The following ZNF235 variants were observed in gnomAD, a reference collection of about 807,000 sequenced individuals.
The protein encoded by ZNF235 is zfp-93.
In ZNF235, 25 loss-of-function variants were observed where a neutral mutation model predicts 29.4. The observed-to-expected ratio is 0.85, with a 90% CI of 0.62 to 1.19. The LOEUF is 1.19. Among genes scored for constraint, ZNF235 ranks in the 50% most tolerant of loss-of-function variants. The probability of loss-of-function intolerance (pLI) is 0.00; values close to 1 mark genes in which losing one functional copy is unlikely to be tolerated. For synonymous variants in ZNF235, 300 were observed against 295.3 expected, an observed-to-expected ratio of 1.02 and a Z score of -0.16; for missense variants, 788 against 885.0, an observed-to-expected ratio of 0.89 and a Z score of 1.39.
intron 2 of ZNF235, among the ~76,000 whole-genome samples, chr19:44,303,157 CGT>C (rs1462766743): frequency 7.2e-6 from 1 of 138,122 alleles, no homozygotes; most frequent in African/African-American, 2.8e-5. Flanking sequence ...AAAATATATA[CGT>C]ATATATAAAT....
chr19:44,304,678 CAAG>C, intron 1 of ZNF235: 1 of 973,850 alleles, frequency 1.0e-6, no homozygotes, highest in African/African-American at 1.8e-5. Flanking sequence ...GAAACTGAGA[CAAG>C]GAGAGATTAA....
In ZNF235 at chr19:44,302,998, ACATATATACG is replaced by A. The variant is rs1975770519; in HGVS notation, c.15+382_15+391del. On this transcript the variant is annotated intron_variant, in intron 2 of 4. Coordinates refer to ENST00000291182, the MANE Select transcript of ZNF235 (RefSeq NM_004234.4). ...TGTATATATTTATATATAAATATAT[ACATATATACG>A]TATATATTTATATAAAATATACGTA... Among the ~76,000 whole-genome samples the A allele has an allele frequency of 2.3e-5, 3 of 128,280 alleles. No homozygotes were observed. In the East Asian group the frequency reaches 6.1e-4, roughly 26 times the overall value. The allele number at this position is 128,280 out of a possible 152,430, so 84.2% of individuals were successfully genotyped here.
At position 44,288,808 on chromosome 19, in the gene ZNF235, T is replaced by TATAC; in HGVS notation, c.623_626dup (p.Ile209MetfsTer8). The TATAC allele has an allele frequency of 6.2e-7, 1 of 1,613,486 alleles. No homozygotes were observed. ...TGAAAATGTCAACATATGGAGCAAA[T>TATAC]ATACATAGTTTGTTTTTCATCTGAG... is the stretch of plus-strand genomic sequence containing the variant. On this transcript the variant is annotated frameshift_variant, in exon 5 of 5. Coordinates refer to ENST00000291182, the MANE Select transcript of ZNF235 (RefSeq NM_004234.4). LOFTEE classifies it low-confidence loss of function (END_TRUNC).
chr19:44,304,734 G>A (rs1334244397), intron 1 of ZNF235: 17 of 985,512 alleles, frequency 1.7e-5, no homozygotes, highest in Non-Finnish European at 2.0e-5. Flanking sequence ...GGCAGGACTG[G>A]CTGGTAGGTG....
At position 44,298,816 on chromosome 19, in the gene ZNF235, T is replaced by A. The variant is rs375247544; in HGVS notation, c.230A>T (p.Lys77Met). The change falls in exon 4 of 5, where the codon AAG becomes ATG. Residue 77 changes from lysine to methionine, a missense_variant. By Grantham distance (95) the Lys-to-Met change is moderately conservative (BLOSUM62 -1). Transcript: ENST00000291182. ...GGCTGCACAGTACTCACCTGAATGC[T>A]TACCTCTTTGGGTTTGAAGCTCCTT... Reference protein sequence around the residue: ...WMKELQTQRGKHSGDRNQNEM... With the variant: ...WMKELQTQRGMHSGDRNQNEM... 2.1e-5 allele frequency: 34 copies of A among 1,612,800 alleles called. 1 individual carries two copies. In the African/African-American group the frequency reaches 3.1e-4, roughly 15 times the overall value.
At chr19:44,291,800 A>T (rs1223065080) in intron 4 of ZNF235, among the ~76,000 whole-genome samples, 1 of 152,136 alleles carries the variant, frequency 6.6e-6, no homozygotes, top group Non-Finnish European at 1.5e-5. Flanking sequence ...ATAGGGCTTC[A>T]TCCATGAATT....
Position 44,288,592 on chromosome 19 carries a change from A to G in ZNF235, c.843T>C (p.His281=), listed in dbSNP as rs1158420678. The G allele has an allele frequency of 3.1e-6, 5 of 1,614,120 alleles. No homozygotes were observed. The highest frequency in any genetic ancestry group is 4.2e-6 in the Non-Finnish European group (5 of 1,180,004). Residue 281 remains histidine, a synonymous_variant, in exon 5 of 5, where the codon CAT becomes CAC. Coordinates refer to ENST00000291182, the MANE Select transcript of ZNF235 (RefSeq NM_004234.4). ...ACTTCTTTCCCAAGTGTACCTGTTT[A>G]TGAAGTTCAAGACTGGAGCTATCAT... is the stretch of plus-strand genomic sequence containing the variant. ...AFNDSSSLEL[H]KQVHLGKKSP...
intron 2 of ZNF235, among the ~76,000 whole-genome samples, chr19:44,301,129 T>C (rs908418897): frequency 6.6e-6 from 1 of 152,198 alleles, no homozygotes; most frequent in Non-Finnish European, 1.5e-5. Flanking sequence ...GGATTTTTCA[T>C]GTATCAGTAA....
Position 44,288,831 on chromosome 19 carries a change from G to C in ZNF235, c.604C>G (p.Gln202Glu). ...AATATACATAGTTTGTTTTTCATCT[G>C]AGTCTGCTTACAACTTCTCTGATAA... ...QNYQRSCKQTQMKNKLCIFAP... is the reference protein window; with the variant it reads ...QNYQRSCKQTEMKNKLCIFAP... The change falls in exon 5 of 5, where the codon CAG becomes GAG. Residue 202 changes from glutamine to glutamate, a missense_variant. By Grantham distance (29) the Gln-to-Glu change is conservative. Transcript: ENST00000291182. The C allele has an allele frequency of 6.2e-7, 1 of 1,612,812 alleles. No homozygotes were observed.
In ZNF235 at chr19:44,287,792, C is replaced by G. The variant is rs551265483; in HGVS notation, c.1643G>C (p.Cys548Ser). ...TGEKPYKCEV[C>S]GKRFNWSLNL... ...CAAGCTCCAATTGAAGCGCTTCCCA[C>G]ACACTTCACATTTGTATGGTTTTTC... The change falls in exon 5 of 5, where the codon TGT becomes TCT. Residue 548 changes from cysteine (C) to serine (S), a missense_variant. Coordinates refer to ENST00000291182, the MANE Select transcript of ZNF235 (RefSeq NM_004234.4). 3.1e-6 allele frequency: 5 copies of G among 1,614,142 alleles called. No individual in the cohort carries two copies. The South Asian group carries it at 5.5e-5, about 18-fold the overall frequency.
intron 1 of ZNF235, 23 bp downstream of exon 1, chr19:44,304,948 T>C (rs1186484965): frequency 1.0e-6 from 1 of 985,304 alleles, no homozygotes; most frequent in Non-Finnish European, 1.2e-6. Context: ...CGGAGAAGTC[T>C]TGGAGACCCG....
At chr19:44,293,290 A>G (rs1184384537) in intron 4 of ZNF235, among the ~76,000 whole-genome samples, 1 of 152,146 alleles carries the variant, frequency 6.6e-6, no homozygotes, top group Non-Finnish European at 1.5e-5. Context: ...AGCTATTTTT[A>G]TATCAGATAA....
intron 1 of ZNF235, among the ~76,000 whole-genome samples, 195 bp from the exon 2 acceptor site, chr19:44,303,647 T>C (rs1975787807): frequency 6.6e-6 from 1 of 152,174 alleles, no homozygotes; most frequent in African/African-American, 2.4e-5. Context: ...CATGAACATT[T>C]CATATTAACA....
At chr19:44,289,225 A>C in intron 4 of ZNF235, 29 bp from the exon 5 acceptor site, 3 of 1,562,962 alleles carry the variant, frequency 1.9e-6, no homozygotes, top group Non-Finnish European at 2.6e-6. Context: ...TAAGGAATAA[A>C]GGACCAAGAG....
At chr19:44,296,177 A>G (rs1011431009) in intron 4 of ZNF235, among the ~76,000 whole-genome samples, 44 of 152,212 alleles carry the variant, frequency 2.9e-4, no homozygotes, top group African/African-American at 9.9e-4. Flanking sequence ...TTGTAGATAG[A>G]CACTGATAAA....
Position 44,287,098 on chromosome 19 carries a change from C to T in ZNF235, c.*120G>A. The T allele has an allele frequency of 9.6e-7, 1 of 1,042,202 alleles. No homozygotes were observed. The allele number at this position is 1,042,202 out of a possible 1,614,324, so 64.6% of individuals were successfully genotyped here. A position where few individuals can be genotyped will look rare whatever the true frequency, so the allele number is the denominator to read the frequency against. On this transcript the variant is annotated 3_prime_UTR_variant, in exon 5 of 5. Transcript: ENST00000291182. ...AACACAGCATTTGAGAGACTTCTTT[C>T]CTGTCAAGATTCTTTGAAGCTTCTA... is the stretch of plus-strand genomic sequence containing the variant.
intron 2 of ZNF235, among the ~76,000 whole-genome samples, chr19:44,302,053 TAAAG>T (rs1450500529): frequency 6.6e-6 from 1 of 152,176 alleles, no homozygotes; most frequent in Non-Finnish European, 1.5e-5. Context: ...TACTTAGAAT[TAAAG>T]AAAGAAATCT....
rs1220730980 is a variant in ZNF235 at position 44,288,167 on chromosome 19, C to CT, written c.1267dup (p.Arg423LysfsTer10). Reference sequence around the variant, plus strand: ...ATATGGTTTCTCTCCAGTGTGAATTCTTTCATGGGCCTGAAGATGTGATCT... The same window carrying CT: ...ATATGGTTTCTCTCCAGTGTGAATTCTTTTCATGGGCCTGAAGATGTGATCT... On this transcript the variant is annotated frameshift_variant, in exon 5 of 5. Transcript: ENST00000291182. LOFTEE classifies it high-confidence loss of function. The CT allele has an allele frequency of 6.2e-7, 1 of 1,614,028 alleles. No homozygotes were observed. The highest frequency in any genetic ancestry group is 8.5e-7 in the Non-Finnish European group (1 of 1,180,044).
At chr19:44,295,957 T>C (rs1363610153) in intron 4 of ZNF235, among the ~76,000 whole-genome samples, 1 of 152,184 alleles carries the variant, frequency 6.6e-6, no homozygotes, top group Non-Finnish European at 1.5e-5. Flanking sequence ...TAAGATGATA[T>C]CTCACCATTG....
Sources: allele counts gnomAD v4.1 joint callset (sites outside exome capture counted in the v4.1 genomes callset), GRCh38; gene constraint gnomAD v4.1.1; transcripts MANE v1.5; gene names NCBI Gene and HGNC (gene_info 2026-07-23, HGNC 2026-07-21).